Variants in MEMO1 observed in about 807,000 individuals in gnomAD.
MEMO1 encodes mediator of cell motility 1.
A neutral mutation model predicts 45.2 loss-of-function variants in MEMO1; 6 were observed. The ratio of observed to expected loss-of-function variants is 0.13; its 90% CI spans 0.07 to 0.26. The LOEUF (loss-of-function observed/expected upper bound fraction) is 0.26, where lower values mean the gene tolerates loss of function less well. Among genes scored for constraint, MEMO1 ranks in the 10% least tolerant of loss-of-function variants. The pLI, the probability that MEMO1 is intolerant of heterozygous loss-of-function variation, is 1.00. For missense variants in MEMO1, 184 were observed against 370.5 expected (o/e 0.50, Z 4.13); for synonymous variants, 78 against 124.3 (o/e 0.63, Z 2.48).
chr2:31,912,942 C>T (rs922940078), intron 6 of MEMO1, among the ~76,000 whole-genome samples: 2 of 152,116 alleles, frequency 1.3e-5, no homozygotes, highest in Non-Finnish European at 2.9e-5. Context: ...CTTTAGACTA[C>T]TATTTTTTTA....
intron 6 of MEMO1, among the ~76,000 whole-genome samples, chr2:31,896,816 T>A (rs570088591): frequency 2.6e-5 from 4 of 152,086 alleles, no homozygotes; most frequent in Non-Finnish European, 5.9e-5. Flanking sequence ...AAACAACAAA[T>A]TACCAAAATA....
At chr2:31,906,580 C>T (rs560759028) in intron 6 of MEMO1, among the ~76,000 whole-genome samples, 37 of 152,140 alleles carry the variant, frequency 2.4e-4, no homozygotes, top group Admixed American at 3.9e-4. Flanking sequence ...ACCTTGGCCT[C>T]CCAAAGTGCT....
intron 7 of MEMO1, among the ~76,000 whole-genome samples, chr2:31,887,285 A>C (rs1656137335): frequency 1.3e-5 from 2 of 152,220 alleles, no homozygotes; most frequent in African/African-American, 4.8e-5. Context: ...ACAAAAGGTA[A>C]AAGAACAGTA....
At position 31,921,468 on chromosome 2, in the gene MEMO1, C is replaced by T. The variant is rs144445676; in HGVS notation, c.213-558G>A. On this transcript the variant is annotated intron_variant, in intron 4 of 9. Transcript: ENST00000404530. Reference sequence around the variant, plus strand: ...GAATCATATTCAATACTTGGAAATACCAGTTATCAATTAATACAGTAAACC... The same window carrying T: ...GAATCATATTCAATACTTGGAAATATCAGTTATCAATTAATACAGTAAACC... 6.3e-3 allele frequency among the ~76,000 whole-genome samples: 953 copies of T among 152,168 alleles called. 3 individuals carry two copies. Among genetic ancestry groups the T allele is most frequent in the Middle Eastern group, 0.027 (8 of 294 alleles).
intron 8 of MEMO1, among the ~76,000 whole-genome samples, chr2:31,881,001 G>T (rs1675275145): frequency 6.6e-6 from 1 of 151,834 alleles, no homozygotes; most frequent in Admixed American, 6.6e-5. Context: ...TCCAGCCTGG[G>T]TGACAGAGGG....
At chr2:31,888,665 C>T (rs760756982) in intron 7 of MEMO1, among the ~76,000 whole-genome samples, 2 of 152,088 alleles carry the variant, frequency 1.3e-5, no homozygotes, top group Non-Finnish European at 2.9e-5. Flanking sequence ...AATCTACTTC[C>T]TGCTAGTAAC....
At chr2:31,893,241 C>T in intron 6 of MEMO1, 1 of 856,462 alleles carries the variant, frequency 1.2e-6, no homozygotes, top group Non-Finnish European at 1.5e-6. Context: ...GGCCCCCTTA[C>T]CCTGTCAATT....
chr2:31,969,586 G>GTGGGTGT (rs1669090004), intron 2 of MEMO1, among the ~76,000 whole-genome samples: 1 of 119,228 alleles, frequency 8.4e-6, no homozygotes, highest in Admixed American at 8.4e-5. Flanking sequence ...TGTGTGTGTG[G>GTGGGTGT]GTGTGTGTGT....
chr2:31,957,480 T>C, intron 2 of MEMO1, among the ~76,000 whole-genome samples: 1 of 152,180 alleles, frequency 6.6e-6, no homozygotes, highest in East Asian at 1.9e-4. Flanking sequence ...TTTTAAGAAT[T>C]GCTATTTAAC....
rs572025844 is a variant in MEMO1 at position 31,978,762 on chromosome 2, A to C, written c.61+31425T>G. Among the ~76,000 whole-genome samples, 9 of 152,346 alleles carry C rather than the reference A, an allele frequency of 5.9e-5. No individual in the cohort carries two copies. The South Asian group carries it at 1.2e-3, about 21-fold the overall frequency. ...TTTTGAGCAAAGCCCCAAACACTGGATACCATTAATTTGTCTCCTTGTTAT... is the reference window on the plus strand; with the variant it reads ...TTTTGAGCAAAGCCCCAAACACTGGCTACCATTAATTTGTCTCCTTGTTAT... On this transcript the variant is annotated intron_variant, in intron 2 of 9. Transcript: ENST00000404530.
At chr2:31,883,898 C>G (rs528771625) in intron 7 of MEMO1, among the ~76,000 whole-genome samples, 2 of 146,324 alleles carry the variant, frequency 1.4e-5, no homozygotes, top group African/African-American at 5.0e-5. Context: ...ATCTCTATTA[C>G]GGGGGAAAAA....
intron 2 of MEMO1, among the ~76,000 whole-genome samples, chr2:31,987,448 T>G (rs1671406702): frequency 6.6e-6 from 1 of 152,228 alleles, no homozygotes. Flanking sequence ...ACTAGTACAG[T>G]CATATTAACC....
intron 8 of MEMO1, among the ~76,000 whole-genome samples, chr2:31,881,562 A>T (rs541152384): frequency 2.0e-5 from 3 of 151,914 alleles, no homozygotes; most frequent in African/African-American, 7.2e-5. Context: ...CCCAAAAACA[A>T]GACAATACAC....
chr2:31,889,430 A>T (rs796551232), intron 7 of MEMO1, among the ~76,000 whole-genome samples: 49 of 152,194 alleles, frequency 3.2e-4, no homozygotes, highest in African/African-American at 1.1e-3. Context: ...TTTAAAAAGA[A>T]AGAAAAACCA....
At position 31,923,661 on chromosome 2, in the gene MEMO1, G is replaced by T. The variant is rs1027501819; in HGVS notation, c.213-2751C>A. On this transcript the variant is annotated intron_variant, in intron 4 of 9. Coordinates refer to ENST00000404530, the MANE Select transcript of MEMO1 (RefSeq NM_001301833.4). ...ACCAAGAATCAAATAATGAGAAAGG[G>T]CATTTTTCTGATTGAGGAAAATATG... is the stretch of plus-strand genomic sequence containing the variant. The T allele has an allele frequency of 1.9e-6, 3 of 1,547,364 alleles. No homozygotes were observed. In the African/African-American group the frequency reaches 4.1e-5, roughly 21 times the overall value.
chr2:31,932,677 C>T (rs1348977653), intron 3 of MEMO1, among the ~76,000 whole-genome samples: 2 of 152,110 alleles, frequency 1.3e-5, no homozygotes, highest in African/African-American at 4.8e-5. Flanking sequence ...TCAAGTGATC[C>T]TCCTGCCTTG....
rs771551711 is a variant in MEMO1 at position 31,877,106 on chromosome 2, T to C, written c.657+6280A>G. On this transcript the variant is annotated intron_variant, in intron 8 of 9. Coordinates refer to ENST00000404530, the MANE Select transcript of MEMO1 (RefSeq NM_001301833.4). ...ACTTCTCACCACCCTCCCCATCCAT[T>C]TATCCAGCACTCATTCAACAACTGT... Among the ~76,000 whole-genome samples, 103 of 152,180 alleles carry C rather than the reference T, an allele frequency of 6.8e-4. 1 individual carries two copies. Among genetic ancestry groups the C allele is most frequent in the Non-Finnish European group, 1.2e-3 (85 of 68,020 alleles).
Position 31,923,569 on chromosome 2 carries a change from C to A in MEMO1, c.213-2659G>T, listed in dbSNP as rs975023487. 20 of 1,399,894 alleles carry A rather than the reference C, an allele frequency of 1.4e-5. No homozygotes were observed. In the African/African-American group the frequency reaches 3.0e-4, roughly 21 times the overall value. 86.7% of individuals were successfully genotyped at this position (1,399,894 alleles called of 1,614,324 possible). ...CACTTTGTTTTAAATTAAAGGCTTACGTGGGCTATAGAGAATGGTAACTCA... is the reference window on the plus strand; with the variant it reads ...CACTTTGTTTTAAATTAAAGGCTTAAGTGGGCTATAGAGAATGGTAACTCA... On this transcript the variant is annotated intron_variant, in intron 4 of 9. Coordinates refer to ENST00000404530, the MANE Select transcript of MEMO1 (RefSeq NM_001301833.4).
chr2:31,903,493 T>C (rs1408659181), intron 6 of MEMO1, among the ~76,000 whole-genome samples: 1 of 152,202 alleles, frequency 6.6e-6, no homozygotes, highest in Non-Finnish European at 1.5e-5. Flanking sequence ...TATTCTAATC[T>C]TCTCAAATGT....
Sources: gnomAD v4.1 joint callset for allele counts (sites outside exome capture counted in the v4.1 genomes callset) on GRCh38, gnomAD v4.1.1 for gene constraint, MANE v1.5 for transcripts, NCBI Gene and HGNC (gene_info 2026-07-23, HGNC 2026-07-21) for gene names.